KDM5A: variants seen among roughly 807,000 people sequenced by gnomAD.
The protein encoded by KDM5A is lysine-specific demethylase 5A.
A neutral mutation model predicts 193.5 loss-of-function variants in KDM5A; 42 were observed. The ratio of observed to expected loss-of-function variants is 0.22; its 90% CI spans 0.17 to 0.28. The LOEUF (loss-of-function observed/expected upper bound fraction) is 0.28, where lower values mean the gene tolerates loss of function less well. Ranked by LOEUF, KDM5A falls within the 10% of genes least tolerant of loss-of-function variation. The pLI is 1.00. For synonymous variants in KDM5A, 796 were observed against 718.1 expected (o/e 1.11, Z -1.73); for missense variants, 1,692 against 2,055.1 (o/e 0.82, Z 3.42).
chr12:291,927 A>T (rs1943300091), intron 27 of KDM5A, among the ~76,000 whole-genome samples: 1 of 141,824 alleles, frequency 7.1e-6, no homozygotes, highest in Non-Finnish European at 1.5e-5. Flanking sequence ...TTTGAGACAG[A>T]GTTTTGCTCT....
chr12:302,369 T>C (rs1161737042), intron 24 of KDM5A, among the ~76,000 whole-genome samples: 1 of 151,978 alleles, frequency 6.6e-6, no homozygotes, highest in Admixed American at 6.6e-5. Context: ...AATAACACCA[T>C]ACATCTACAA....
chr12:360,084 C>T (rs551129889), intron 5 of KDM5A, among the ~76,000 whole-genome samples: 4 of 151,892 alleles, frequency 2.6e-5, no homozygotes, highest in Non-Finnish European at 5.9e-5. Context: ...ACCAGCCTGG[C>T]CAAAATGGTG....
In KDM5A at chr12:302,060, G is replaced by C. The variant is rs1052548464; in HGVS notation, c.4075-4860C>G. ...ATGGAAGAACATTCCATGCTCATGGGTAGGAAGAATCAATATCATGAAAAT... is the reference window on the plus strand; with the variant it reads ...ATGGAAGAACATTCCATGCTCATGGCTAGGAAGAATCAATATCATGAAAAT... On this transcript the variant is annotated intron_variant, in intron 24 of 27. Coordinates refer to ENST00000399788, the MANE Select transcript of KDM5A (RefSeq NM_001042603.3). 2.0e-5 allele frequency among the ~76,000 whole-genome samples: 3 copies of C among 152,148 alleles called. No individual in the cohort carries two copies. The South Asian group carries it at 6.2e-4, about 32-fold the overall frequency.
intron 27 of KDM5A, 133 bp from the exon 28 acceptor site, chr12:285,795 G>A (rs1001354578): frequency 3.8e-6 from 3 of 788,154 alleles, no homozygotes; most frequent in Non-Finnish European, 6.6e-6. Flanking sequence ...GACTTCTTAT[G>A]GGGTTATTTT....
At chr12:327,673 A>G (rs1943808993) in intron 14 of KDM5A, among the ~76,000 whole-genome samples, 4 of 152,146 alleles carry the variant, frequency 2.6e-5, no homozygotes, top group Admixed American at 2.6e-4. Flanking sequence ...GTGCCACTGC[A>G]CTCCAGCCTG....
intron 13 of KDM5A, 133 bp downstream of exon 13, chr12:331,686 T>C (rs963388469): frequency 4.8e-5 from 42 of 872,780 alleles, no homozygotes; most frequent in East Asian, 7.4e-5. Context: ...TAAACTACAA[T>C]AGCCACTCCA....
chr12:304,446 C>CT lies in KDM5A; in HGVS notation c.4074+2499dup, dbSNP rs67930424. Among the ~76,000 whole-genome samples, 830 of 112,520 alleles carry CT rather than the reference C, an allele frequency of 7.4e-3. 5 individuals carry two copies. Among genetic ancestry groups the CT allele is most frequent in the African/African-American group, 0.013 (363 of 28,992 alleles). 73.8% of individuals were successfully genotyped at this position (112,520 alleles called of 152,430 possible). On this transcript the variant is annotated intron_variant, in intron 24 of 27. Transcript: ENST00000399788. ...GTGGGAAAATGCTCAAGAGTATAGGCTTTTTTTTTTTTTTTTTTTTCATTC... is the reference window on the plus strand; with the variant it reads ...GTGGGAAAATGCTCAAGAGTATAGGCTTTTTTTTTTTTTTTTTTTTTCATTC...
chr12:388,875 A>ACGGACTCC, intron 1 of KDM5A, 52 bp downstream of exon 1: 1 of 1,584,298 alleles, frequency 6.3e-7, no homozygotes, highest in Non-Finnish European at 8.7e-7. Flanking sequence ...AACCCAGTGT[A>ACGGACTCC]CGGACTCCCC....
rs750960679 is a variant in KDM5A, at chr12:307,141, G to A, written c.3931-52C>T. On this transcript the variant is annotated intron_variant, in intron 23 of 27. Coordinates refer to ENST00000399788, the MANE Select transcript of KDM5A (RefSeq NM_001042603.3). The surrounding 1 kb of genome is among the most constrained non-coding windows in gnomAD (Gnocchi z 4.3). Reference sequence around the variant, plus strand: ...ACAGCAAGACATGCTAAACAGACAGGGTAATTAATGTGTGCTTAAGATCAC... The same window carrying A: ...ACAGCAAGACATGCTAAACAGACAGAGTAATTAATGTGTGCTTAAGATCAC... 18 of 1,605,632 alleles carry A rather than the reference G, an allele frequency of 1.1e-5. No homozygotes were observed. Among genetic ancestry groups the A allele is most frequent in the Non-Finnish European group, 1.5e-5 (18 of 1,173,202 alleles).
At chr12:331,125 C>T (rs541121925) in intron 13 of KDM5A, among the ~76,000 whole-genome samples, 11 of 151,684 alleles carry the variant, frequency 7.3e-5, no homozygotes, top group African/African-American at 2.7e-4. Flanking sequence ...AGTAAAATCA[C>T]CTAGTTGTCT....
At chr12:295,084 T>C (rs1188076820) in intron 26 of KDM5A, among the ~76,000 whole-genome samples, 3 of 152,190 alleles carry the variant, frequency 2.0e-5, no homozygotes, top group Admixed American at 1.3e-4. Context: ...AATGGGAGTC[T>C]GGGCTACAGA....
chr12:330,085 G>GTGTGTGTGTGTGTGTGTATA lies in KDM5A; in HGVS notation c.1774-1057_1774-1056insTATACACACACACACACACA, dbSNP rs377271333. 5.7e-3 allele frequency among the ~76,000 whole-genome samples: 801 copies of GTGTGTGTGTGTGTGTGTATA among 139,324 alleles called. 6 individuals carry two copies. Among genetic ancestry groups the GTGTGTGTGTGTGTGTGTATA allele is most frequent in the East Asian group, 0.027 (123 of 4,610 alleles). 91.4% of individuals were successfully genotyped at this position (139,324 alleles called of 152,430 possible). A position where few individuals can be genotyped will look rare whatever the true frequency, so the allele number is the denominator to read the frequency against. On this transcript the variant is annotated intron_variant, in intron 13 of 27. Coordinates refer to ENST00000399788, the MANE Select transcript of KDM5A (RefSeq NM_001042603.3). ...TGTGTGTGTGTGTGTGTGTGTGTGT[G>GTGTGTGTGTGTGTGTGTATA]TATATATATATATCTTATGATTAGC...
At chr12:362,921 C>T (rs2137466551) in intron 5 of KDM5A, 42 bp downstream of exon 5, 2 of 1,592,990 alleles carry the variant, frequency 1.3e-6, no homozygotes, top group Non-Finnish European at 8.6e-7. Flanking sequence ...CAGGAGACTA[C>T]ATCTTTATTT....
chr12:333,593 T>C lies in KDM5A; in HGVS notation c.1547A>G (p.Glu516Gly). The change falls in exon 12 of 28, where the codon GAG becomes GGG. Residue 516 changes from glutamate (E) to glycine (G), a missense_variant. Coordinates refer to ENST00000399788, the MANE Select transcript of KDM5A (RefSeq NM_001042603.3). ...CTCGGGGGCCAGCTCTCTCATCACC[T>C]CCTCCAGTTGCTCTGCAGCATGAGA... is the stretch of plus-strand genomic sequence containing the variant. The part of the protein sequence containing the change: ...VPSHAAEQLE[E>G]VMRELAPELF... 6.2e-7 allele frequency: 1 copy of C among 1,614,028 alleles called. No homozygotes were observed. Among genetic ancestry groups the C allele is most frequent in the Non-Finnish European group, 8.5e-7 (1 of 1,179,982 alleles).
rs759806225 is a variant in KDM5A, at chr12:323,149, T to C, written c.2208A>G (p.Ala736=). 23 of 1,555,642 alleles carry C rather than the reference T, an allele frequency of 1.5e-5. No individual in the cohort carries two copies. The highest frequency in any genetic ancestry group is 1.9e-5 in the Non-Finnish European group (22 of 1,147,808). Residue 736 remains alanine (A), a synonymous_variant, in exon 16 of 28, where the codon GCA becomes GCG. Coordinates refer to ENST00000399788, the MANE Select transcript of KDM5A (RefSeq NM_001042603.3). ...PSLLYGVKVR[A]QSYDTWVSRV... Reference sequence around the variant, plus strand: ...GACTGACCCAAGTGTCATAGGACTGTGCCCTGACTTTTACACCATATAGCA... The same window carrying C: ...GACTGACCCAAGTGTCATAGGACTGCGCCCTGACTTTTACACCATATAGCA...
In KDM5A at chr12:334,369, A is replaced by T. The variant is rs183604048; in HGVS notation, c.1362T>A (p.Ser454=). 197 of 1,614,108 alleles carry T rather than the reference A, an allele frequency of 1.2e-4. 1 individual carries two copies. In the East Asian group the frequency reaches 4.2e-3, roughly 35 times the overall value. Residue 454 remains serine (S), a synonymous_variant, in exon 11 of 28, where the codon TCT becomes TCA. Transcript: ENST00000399788. ...NLNNMPVLEQ[S]VLAHINVDIS... is the part of the protein sequence containing the mutation. ...TGTCCACATTAATATGTGCAAGAACAGACTGTTCCAGGACAGGCATGTTAT... is the reference window on the plus strand; with the variant it reads ...TGTCCACATTAATATGTGCAAGAACTGACTGTTCCAGGACAGGCATGTTAT...
intron 19 of KDM5A, 105 bp downstream of exon 19, chr12:318,001 A>C: frequency 1.8e-6 from 1 of 540,718 alleles, no homozygotes; most frequent in Admixed American, 3.4e-5. Flanking sequence ...CCTAAACGCA[A>C]AAAAAAAAAA....
chr12:371,199 C>A (rs903098716), intron 3 of KDM5A, among the ~76,000 whole-genome samples: 5 of 152,218 alleles, frequency 3.3e-5, no homozygotes, highest in African/African-American at 4.8e-5. Context: ...ACACTGTTTT[C>A]CACAATGGTT....
At chr12:359,010 A>G (rs577219589) in intron 5 of KDM5A, among the ~76,000 whole-genome samples, 7 of 151,730 alleles carry the variant, frequency 4.6e-5, no homozygotes, top group East Asian at 1.9e-4. Context: ...AAAAAACAAT[A>G]AAAAGACTAC....
Sources: gnomAD v4.1 joint callset for allele counts (sites outside exome capture counted in the v4.1 genomes callset) on GRCh38, gnomAD v4.1.1 for gene constraint, Gnocchi (gnomAD v3.1) non-coding constraint, MANE v1.5 for transcripts, NCBI Gene and HGNC (gene_info 2026-07-23, HGNC 2026-07-21) for gene names.